The following SEM1 variants were observed in gnomAD, a reference collection of about 807,000 sequenced individuals.
SEM1 encodes the protein SEM1 26S proteasome subunit, also known as 26S proteasome complex subunit SEM1.
Under a neutral mutation model 12.7 loss-of-function variants are expected in SEM1, and 3 were observed. The observed-to-expected ratio is 0.24, with a 90% confidence interval of 0.11 to 0.61. The LOEUF (loss-of-function observed/expected upper bound fraction) is 0.61, where lower values mean the gene tolerates loss of function less well. Ranked by LOEUF, SEM1 falls within the 20% of genes least tolerant of loss-of-function variation. The pLI is 0.88. For synonymous variants in SEM1, 30 were observed against 27.8 expected, an observed-to-expected ratio of 1.08 and a Z score of -0.25; for missense variants, 59 against 81.3, an observed-to-expected ratio of 0.73 and a Z score of 1.06.
intron 2 of SEM1, among the ~76,000 whole-genome samples, chr7:96,566,685 T>G (rs1805852597): frequency 6.6e-6 from 1 of 151,652 alleles, no homozygotes; most frequent in Non-Finnish European, 1.5e-5. Flanking sequence ...CTTCTAAGCT[T>G]TGTGCCATGC....
intron 2 of SEM1, among the ~76,000 whole-genome samples, chr7:96,663,580 C>T (rs1363377090): frequency 1.3e-5 from 2 of 152,176 alleles, no homozygotes; most frequent in East Asian, 3.9e-4. Context: ...CCTGGGCAGG[C>T]TTCAGTACCT....
At chr7:96,585,013 A>G (rs1416844161) in intron 2 of SEM1, among the ~76,000 whole-genome samples, 2 of 151,450 alleles carry the variant, frequency 1.3e-5, no homozygotes, top group Non-Finnish European at 2.9e-5. Context: ...GCTGGTGAGG[A>G]ACTGCGTTCC....
At chr7:96,518,206 G>A (rs929259343) in intron 2 of SEM1, among the ~76,000 whole-genome samples, 35 of 152,244 alleles carry the variant, frequency 2.3e-4, no homozygotes, top group African/African-American at 8.2e-4. Context: ...AAGGTATAGT[G>A]TTGAGGGAAA....
intron 2 of SEM1, among the ~76,000 whole-genome samples, chr7:96,595,798 C>T (rs187353014): frequency 6.6e-6 from 1 of 152,260 alleles, no homozygotes; most frequent in East Asian, 1.9e-4. Flanking sequence ...TTCCCCCTAA[C>T]TTGTAATGAG....
chr7:96,558,989 A>T (rs552176457), intron 2 of SEM1, among the ~76,000 whole-genome samples: 3 of 152,206 alleles, frequency 2.0e-5, no homozygotes, highest in African/African-American at 7.2e-5. Flanking sequence ...CAGAGTTATT[A>T]AGAGGATTAA....
intron 1 of SEM1, among the ~76,000 whole-genome samples, chr7:96,491,474 A>C (rs1471256310): frequency 6.6e-6 from 1 of 152,202 alleles, no homozygotes; most frequent in Non-Finnish European, 1.5e-5. Flanking sequence ...AGAACTTGGA[A>C]GTTTTCTCAC....
chr7:96,585,717 G>A (rs1397931013), intron 2 of SEM1, among the ~76,000 whole-genome samples: 1 of 147,804 alleles, frequency 6.8e-6, no homozygotes, highest in Non-Finnish European at 1.5e-5. Flanking sequence ...TCGGGTGGGA[G>A]TGACCCGATT....
At chr7:96,598,312 CA>C (rs1807068654) in intron 2 of SEM1, among the ~76,000 whole-genome samples, 1 of 151,540 alleles carries the variant, frequency 6.6e-6, no homozygotes. Context: ...AGGCAAAAGC[CA>C]ACTGAGAACT....
At chr7:96,557,740 C>G (rs1805565785) in intron 2 of SEM1, among the ~76,000 whole-genome samples, 1 of 150,400 alleles carries the variant, frequency 6.6e-6, no homozygotes, top group African/African-American at 2.4e-5. Context: ...TTCCCGGCTG[C>G]TTTGTTTACC....
intron 2 of SEM1, among the ~76,000 whole-genome samples, chr7:96,573,301 G>C (rs1052051788): frequency 1.3e-5 from 2 of 152,078 alleles, no homozygotes; most frequent in Non-Finnish European, 2.9e-5. Context: ...GGTTAATATT[G>C]TTAAGTGTGA....
intron 2 of SEM1, among the ~76,000 whole-genome samples, chr7:96,611,849 G>A (rs1807550665): frequency 1.3e-5 from 2 of 151,978 alleles, no homozygotes; most frequent in Admixed American, 1.3e-4. Context: ...TTATTATCTT[G>A]TTTACATGAC....
At chr7:96,666,190 T>A (rs570030722) in intron 2 of SEM1, among the ~76,000 whole-genome samples, 11 of 152,232 alleles carry the variant, frequency 7.2e-5, no homozygotes, top group Admixed American at 7.2e-4. Context: ...ATCTTAAAAG[T>A]TTTCCCAGTG....
In SEM1 at chr7:96,540,555, T is replaced by A. The variant is rs1490601308; in HGVS notation, c.171-33857A>T. Among the ~76,000 whole-genome samples the A allele has an allele frequency of 6.5e-4, 99 of 151,948 alleles. 1 individual carries two copies. Among genetic ancestry groups the A allele is most frequent in the Non-Finnish European group, 7.4e-5 (5 of 67,852 alleles). On this transcript the variant is annotated intron_variant and NMD_transcript_variant, in intron 2 of 3. Coordinates refer to the SEM1 transcript ENST00000466986. ...AACCAAGGTGACAGATAATGATAGA[T>A]AAACTTCACCTATAAAGATACCTTT...
At chr7:96,498,061 C>T (rs907835106), upstream of SEM1, among the ~76,000 whole-genome samples, 1 of 152,092 alleles carries the variant, frequency 6.6e-6, no homozygotes, top group Non-Finnish European at 1.5e-5. Flanking sequence ...CCAGGCCCTG[C>T]GCTGAGTGTT....
chr7:96,706,033 TA>T (rs1404271148), intron 1 of SEM1, among the ~76,000 whole-genome samples: 1 of 152,124 alleles, frequency 6.6e-6, no homozygotes, highest in Admixed American at 6.5e-5. Context: ...AAGGCTGTTC[TA>T]AATCAGTTTA....
At chr7:96,638,788 A>T (rs975120340) in intron 2 of SEM1, among the ~76,000 whole-genome samples, 1 of 151,808 alleles carries the variant, frequency 6.6e-6, no homozygotes, top group Non-Finnish European at 1.5e-5. Context: ...TACTATTGAG[A>T]TGTGTGCTCT....
At chr7:96,484,246 T>A (rs1457747762) in intron 3 of SEM1, among the ~76,000 whole-genome samples, 1 of 152,122 alleles carries the variant, frequency 6.6e-6, no homozygotes, top group Non-Finnish European at 1.5e-5. Flanking sequence ...AGCCACTGAG[T>A]ACATTCTCCT....
At chr7:96,663,147 G>GAA (rs138931192) in intron 2 of SEM1, among the ~76,000 whole-genome samples, 9 of 146,672 alleles carry the variant, frequency 6.1e-5, no homozygotes, top group African/African-American at 1.2e-4. Flanking sequence ...GATATTCCAG[G>GAA]AAAAAAAAAA....
At chr7:96,542,027 A>G (rs1412544782) in intron 2 of SEM1, among the ~76,000 whole-genome samples, 2 of 140,092 alleles carry the variant, frequency 1.4e-5, no homozygotes, top group African/African-American at 2.7e-5. Flanking sequence ...GAGTAACGTG[A>G]TACCTCTGGC....
Sources: allele counts gnomAD v4.1 joint callset (sites outside exome capture counted in the v4.1 genomes callset), GRCh38; gene constraint gnomAD v4.1.1; transcripts MANE v1.5; gene names NCBI Gene and HGNC (gene_info 2026-07-23, HGNC 2026-07-21).